TNFRSF19: variants seen among roughly 807,000 people sequenced by gnomAD.
The protein encoded by TNFRSF19 is tumor necrosis factor receptor superfamily member 19.
TNFRSF19 carries 27 observed loss-of-function variants against 46.4 expected under a neutral mutation model. The ratio of observed to expected loss-of-function variants is 0.58; its 90% CI spans 0.43 to 0.80. TNFRSF19 has a LOEUF of 0.80. TNFRSF19 is among the 30% of genes least tolerant of loss of function. TNFRSF19 has a pLI of 0.00. For synonymous variants in TNFRSF19, 204 were observed against 205.0 expected (o/e 1.00, Z 0.04); for missense variants, 511 against 530.8 (o/e 0.96, Z 0.37).
intron 3 of TNFRSF19, among the ~76,000 whole-genome samples, chr13:23,605,460 T>G (rs1479604109): frequency 6.6e-6 from 1 of 152,182 alleles, no homozygotes; most frequent in African/African-American, 2.4e-5. Context: ...TTGAGCTACT[T>G]AGTATTTTAT....
intron 1 of TNFRSF19, among the ~76,000 whole-genome samples, chr13:23,575,989 C>A (rs2138133078): frequency 6.6e-6 from 1 of 152,290 alleles, no homozygotes; most frequent in South Asian, 2.1e-4. Flanking sequence ...ACAAACACCT[C>A]TATCAAGATT....
intron 3 of TNFRSF19, among the ~76,000 whole-genome samples, chr13:23,612,015 T>C (rs1259187970): frequency 6.6e-6 from 1 of 152,188 alleles, no homozygotes; most frequent in East Asian, 1.9e-4. Context: ...CCCCAATACC[T>C]GTGTTGGGGG....
intron 4 of TNFRSF19, among the ~76,000 whole-genome samples, chr13:23,623,639 T>G (rs939708934): frequency 7.9e-5 from 12 of 152,192 alleles, no homozygotes; most frequent in Non-Finnish European, 1.3e-4. Flanking sequence ...GTTGTTATTG[T>G]TTTGACAGTA....
chr13:23,576,426 C>T lies in TNFRSF19; in HGVS notation c.-35+5578C>T, dbSNP rs372682514. The stretch of plus-strand genomic sequence containing the variant: ...TGGATTACAAGCGTGAGCCACTGCA[C>T]CCGGCCCACAGAACTCTTTTTATAC... On this transcript the variant is annotated intron_variant, in intron 1 of 9. Coordinates refer to ENST00000248484, the MANE Select transcript of TNFRSF19 (RefSeq NM_148957.4). Among the ~76,000 whole-genome samples, 12 of 152,318 alleles carry T rather than the reference C, an allele frequency of 7.9e-5. No individual in the cohort carries two copies. The South Asian group carries it at 2.5e-3, about 32-fold the overall frequency.
chr13:23,588,434 A>G (rs947073577), intron 1 of TNFRSF19, among the ~76,000 whole-genome samples: 1 of 152,172 alleles, frequency 6.6e-6, no homozygotes, highest in Non-Finnish European at 1.5e-5. Context: ...AATGCTTCAC[A>G]ATTTGTCTGC....
intron 5 of TNFRSF19, among the ~76,000 whole-genome samples, chr13:23,635,428 G>A (rs1368565723): frequency 6.6e-6 from 1 of 152,126 alleles, no homozygotes; most frequent in South Asian, 2.1e-4. Context: ...ATCCAGGCTG[G>A]AGTGCAGTGG....
intron 5 of TNFRSF19, among the ~76,000 whole-genome samples, chr13:23,632,050 T>G (rs115428760): frequency 6.6e-6 from 1 of 152,332 alleles, no homozygotes; most frequent in African/African-American, 2.4e-5. Flanking sequence ...TTGTTTCTGA[T>G]GAGTTTGCTA....
At chr13:23,579,459 C>G (rs1051750516) in intron 1 of TNFRSF19, 1 of 152,586 alleles carries the variant, frequency 6.6e-6, no homozygotes, top group Non-Finnish European at 1.5e-5. Flanking sequence ...GCGCCTTAAC[C>G]AGGACTGCTC....
Position 23,590,229 on chromosome 13 carries a change from CTT to C in TNFRSF19, c.49_50del (p.Leu17SerfsTer9), listed in dbSNP as rs981325325. The C allele has an allele frequency of 6.3e-7, 1 of 1,589,882 alleles. No individual in the cohort carries two copies. Among genetic ancestry groups the C allele is most frequent in the Non-Finnish European group, 8.6e-7 (1 of 1,168,322 alleles). ...LLEQEKTFFT[L>X]LVLLGYLSCK... ...AGAACAAGAGAAAACGTTTTTCACTCTTTTAGTATTACTAGGCTATTTGGTAA... is the reference window on the plus strand; with the variant it reads ...AGAACAAGAGAAAACGTTTTTCACTCTTAGTATTACTAGGCTATTTGGTAA... On this transcript the variant is annotated frameshift_variant, in exon 2 of 10. Transcript: ENST00000248484. LOFTEE classifies it high-confidence loss of function.
Position 23,659,844 on chromosome 13 carries a change from G to A in TNFRSF19, c.611-521G>A, listed in dbSNP as rs1188591743. Among the ~76,000 whole-genome samples, 1 of 152,116 alleles carries A rather than the reference G, an allele frequency of 6.6e-6. No individual in the cohort carries two copies. The highest frequency in any genetic ancestry group is 1.5e-5 in the Non-Finnish European group (1 of 68,036). On this transcript the variant is annotated intron_variant, in intron 6 of 9. Coordinates refer to ENST00000248484, the MANE Select transcript of TNFRSF19 (RefSeq NM_148957.4). This position sits in a 1 kb window ranked among gnomAD's most constrained non-coding sequence, Gnocchi z 4.9. The stretch of plus-strand genomic sequence containing the variant: ...GCCCTGTATTCTTACATTAAAGTAA[G>A]CTAGAGAAAAGAAAATGTTACTAAG...
intron 7 of TNFRSF19, among the ~76,000 whole-genome samples, chr13:23,664,767 G>A (rs1951592176): frequency 6.6e-6 from 1 of 152,222 alleles, no homozygotes; most frequent in Admixed American, 6.5e-5. Context: ...AGATGGGATA[G>A]CCTACTACAG....
chr13:23,627,653 G>A lies in TNFRSF19; in HGVS notation c.445+861G>A, dbSNP rs148466242. ...AGCGAAGGGCAGGAGGGAGGACGGA[G>A]GAGGCTGCTCTATCCCACACACAGG... On this transcript the variant is annotated intron_variant, in intron 5 of 9. Coordinates refer to ENST00000248484, the MANE Select transcript of TNFRSF19 (RefSeq NM_148957.4). Among the ~76,000 whole-genome samples the A allele has an allele frequency of 2.3e-3, 357 of 152,326 alleles. 1 individual carries two copies. The highest frequency in any genetic ancestry group is 8.3e-3 in the African/African-American group (346 of 41,574).
intron 3 of TNFRSF19, among the ~76,000 whole-genome samples, chr13:23,608,071 C>T (rs1327486342): frequency 2.0e-5 from 3 of 152,178 alleles, no homozygotes; most frequent in East Asian, 3.8e-4. Flanking sequence ...TACACCTTGA[C>T]CCACCAGTGG....
At chr13:23,595,578 C>A (rs1458828514) in intron 3 of TNFRSF19, among the ~76,000 whole-genome samples, 1 of 152,052 alleles carries the variant, frequency 6.6e-6, no homozygotes, top group Admixed American at 6.5e-5. Flanking sequence ...TGAAAAGGAA[C>A]AAACAAAGCC....
chr13:23,586,350 G>T (rs1356494464), intron 1 of TNFRSF19, among the ~76,000 whole-genome samples: 2 of 152,160 alleles, frequency 1.3e-5, no homozygotes, highest in African/African-American at 2.4e-5. Context: ...ATAGCAGTGA[G>T]TGGAAGTCCA....
intron 3 of TNFRSF19, among the ~76,000 whole-genome samples, chr13:23,615,358 T>C (rs1226725666): frequency 6.6e-6 from 1 of 152,196 alleles, no homozygotes; most frequent in Non-Finnish European, 1.5e-5. Context: ...TCTCAGGAAA[T>C]ACTAAATTGC....
chr13:23,640,409 G>A (rs989208650), intron 5 of TNFRSF19, among the ~76,000 whole-genome samples: 1 of 152,198 alleles, frequency 6.6e-6, no homozygotes, highest in African/African-American at 2.4e-5. Flanking sequence ...CCAAGTAAGT[G>A]CTACTACAGC....
intron 3 of TNFRSF19, among the ~76,000 whole-genome samples, chr13:23,614,549 C>G (rs893310203): frequency 5.9e-5 from 9 of 152,092 alleles, no homozygotes; most frequent in African/African-American, 1.4e-4. Context: ...TTCTTGCAAG[C>G]CTTTCTTCCT....
chr13:23,579,292 AGGGCGGGGCCCGGGT>A (rs1878200110), intron 1 of TNFRSF19: 1 of 149,308 alleles, frequency 6.7e-6, no homozygotes, highest in African/African-American at 2.5e-5. Flanking sequence ...AGCCGCGGTG[AGGGCGGGGCCCGGGT>A]GGGCGGTGCC....
Sources: allele counts gnomAD v4.1 joint callset (sites outside exome capture counted in the v4.1 genomes callset), GRCh38; gene constraint gnomAD v4.1.1; non-coding constraint Gnocchi (gnomAD v3.1); transcripts MANE v1.5; gene names NCBI Gene and HGNC (gene_info 2026-07-23, HGNC 2026-07-21).